SLC60A1: variants seen among roughly 807,000 people sequenced by gnomAD.
SLC60A1 encodes the protein solute carrier family 60 member 1.
the SLC60A1 span, chr1:205,601,351 T>C: frequency 3.3e-5 from 5 of 152,160 alleles, no homozygotes; most frequent in African/African-American, 1.2e-4. Flanking sequence ...GAAATCAGCC[T>C]GGTGGGAGTA....
chr1:205,584,877 G>A, the SLC60A1 span: 2 of 1,613,696 alleles, frequency 1.2e-6, no homozygotes, highest in Admixed American at 3.3e-5. Context: ...CTCCTGCAGG[G>A]CATGAGGACC....
the SLC60A1 span, among the ~76,000 whole-genome samples, chr1:205,581,899 T>C: frequency 2.3e-4 from 35 of 152,128 alleles, no homozygotes; most frequent in African/African-American, 8.2e-4. This position sits in a 1 kb window ranked among gnomAD's most constrained non-coding sequence, Gnocchi z 4.2. Flanking sequence ...AGGGTGGGGG[T>C]GTCATGCCAT....
chr1:205,574,695 T>C, the SLC60A1 span, among the ~76,000 whole-genome samples: 1 of 152,098 alleles, frequency 6.6e-6, no homozygotes, highest in African/African-American at 2.4e-5. Context: ...GGGGAGATGA[T>C]ATTAAAGCTG....
the SLC60A1 span, among the ~76,000 whole-genome samples, chr1:205,579,080 C>T: frequency 3.3e-4 from 51 of 152,318 alleles, no homozygotes; most frequent in African/African-American, 1.1e-3. Flanking sequence ...AAGATCAACA[C>T]GGTCACCTTT....
At chr1:205,581,424 C>T in the SLC60A1 span, among the ~76,000 whole-genome samples, 4 of 152,366 alleles carry the variant, frequency 2.6e-5, no homozygotes, top group Admixed American at 6.5e-5. The surrounding 1 kb of genome is among the most constrained non-coding windows in gnomAD (Gnocchi z 4.2). Context: ...CACTTCACCC[C>T]GTGACTGCGT....
chr1:205,579,440 T>C, the SLC60A1 span: 1 of 550,506 alleles, frequency 1.8e-6, no homozygotes, highest in South Asian at 2.8e-5. Context: ...TGGGGAATAT[T>C]TTTGCATTTA....
chr1:205,573,103 C>CA, the SLC60A1 span, among the ~76,000 whole-genome samples: 4,000 of 151,998 alleles, frequency 0.026, 160 homozygotes, highest in African/African-American at 0.089. Flanking sequence ...GTGTCAAAAC[C>CA]AAACAAAACA....
the SLC60A1 span, chr1:205,569,261 C>G: frequency 1.3e-6 from 2 of 1,563,462 alleles, no homozygotes; most frequent in Non-Finnish European, 1.7e-6. Context: ...AGCTCTGCCT[C>G]CTGCTGGGCA....
At chr1:205,599,158 T>A in the SLC60A1 span, 19 of 1,614,090 alleles carry the variant, frequency 1.2e-5, no homozygotes, top group Admixed American at 3.3e-5. Flanking sequence ...CAGCTATAGT[T>A]TCCTGGTCTG....
chr1:205,580,623 A>ACCGCC, the SLC60A1 span: 3 of 1,570,446 alleles, frequency 1.9e-6, no homozygotes, highest in Non-Finnish European at 2.6e-6. The surrounding 1 kb of genome is among the most constrained non-coding windows in gnomAD (Gnocchi z 5.0). Context: ...CTGAAGACTG[A>ACCGCC]CCCCCACCCC....
chr1:205,577,992 C>T, the SLC60A1 span, among the ~76,000 whole-genome samples: 1 of 152,232 alleles, frequency 6.6e-6, no homozygotes, highest in Non-Finnish European at 1.5e-5. The surrounding 1 kb of genome is among the most constrained non-coding windows in gnomAD (Gnocchi z 5.2). Flanking sequence ...TTTCCCATAC[C>T]TCTGCGCAGC....
chr1:205,571,617 G>A, the SLC60A1 span, among the ~76,000 whole-genome samples: 1 of 152,136 alleles, frequency 6.6e-6, no homozygotes, highest in Admixed American at 6.5e-5. Context: ...AGTGGAAACA[G>A]AGGGATGTCC....
the SLC60A1 span, chr1:205,597,792 C>T: frequency 6.2e-7 from 1 of 1,613,908 alleles, no homozygotes. Context: ...TGTGCAACCA[C>T]AGTGCTGGTG....
the SLC60A1 span, among the ~76,000 whole-genome samples, chr1:205,588,211 C>T: frequency 6.6e-6 from 1 of 152,056 alleles, no homozygotes; most frequent in Non-Finnish European, 1.5e-5. Flanking sequence ...GTGGCTCACA[C>T]CTGTAATCCC....
At chr1:205,573,894 AC>A in the SLC60A1 span, among the ~76,000 whole-genome samples, 2 of 151,840 alleles carry the variant, frequency 1.3e-5, no homozygotes, top group African/African-American at 4.8e-5. Flanking sequence ...GACAGGTTTC[AC>A]CGTGTTGGCC....
the SLC60A1 span, chr1:205,600,324 T>TG: frequency 7.0e-7 from 1 of 1,423,482 alleles, no homozygotes; most frequent in Non-Finnish European, 9.8e-7. Flanking sequence ...ACAAACAGCC[T>TG]GGGTAAGCTC....
At chr1:205,577,003 G>T in the SLC60A1 span, among the ~76,000 whole-genome samples, 1 of 152,056 alleles carries the variant, frequency 6.6e-6, no homozygotes, top group African/African-American at 2.4e-5. This position sits in a 1 kb window ranked among gnomAD's most constrained non-coding sequence, Gnocchi z 5.2. Context: ...TCCTGCCTGT[G>T]GCTGAGCCTG....
the SLC60A1 span, among the ~76,000 whole-genome samples, chr1:205,597,379 T>TG: frequency 0.18 from 17,162 of 93,806 alleles, 1,716 homozygotes; most frequent in Non-Finnish European, 0.25. Flanking sequence ...GGTTGTTTTT[T>TG]TTTTTTTTTT....
the SLC60A1 span, among the ~76,000 whole-genome samples, chr1:205,573,983 C>T: frequency 6.6e-6 from 1 of 151,972 alleles, no homozygotes; most frequent in Non-Finnish European, 1.5e-5. Flanking sequence ...AGGTGTGAGC[C>T]ACTGCGCCTG....
Sources: allele counts gnomAD v4.1 joint callset (sites outside exome capture counted in the v4.1 genomes callset), GRCh38; gene constraint gnomAD v4.1.1; non-coding constraint Gnocchi (gnomAD v3.1); transcripts MANE v1.5; gene names NCBI Gene and HGNC (gene_info 2026-07-23, HGNC 2026-07-21).